Variants in SUGCT observed in about 807,000 individuals in gnomAD.
SUGCT encodes succinyl-CoA:glutarate-CoA transferase.
Under a neutral mutation model 55.0 loss-of-function variants are expected in SUGCT, and 41 were observed. The ratio of observed to expected loss-of-function variants is 0.74; its 90% CI spans 0.58 to 0.97. SUGCT has a LOEUF of 0.97. Ranked by LOEUF, SUGCT falls within the 50% of genes least tolerant of loss-of-function variation. The pLI is 0.00. For missense variants in SUGCT, 568 were observed against 547.8 expected (o/e 1.04, Z -0.37); for synonymous variants, 187 against 200.4 (o/e 0.93, Z 0.56).
At chr7:40,390,473 C>T (rs1785364516) in intron 9 of SUGCT, among the ~76,000 whole-genome samples, 1 of 152,286 alleles carries the variant, frequency 6.6e-6, no homozygotes, top group East Asian at 1.9e-4. Flanking sequence ...AAATCACAGG[C>T]ATTCCTATAC....
chr7:40,237,531 A>G, intron 6 of SUGCT, 104 bp from the exon 7 acceptor site: 1 of 887,394 alleles, frequency 1.1e-6, no homozygotes, highest in South Asian at 1.4e-5. Context: ...TAGTCTCGAA[A>G]TGCTGCAGGA....
At chr7:40,854,419 CCTTTCTT>C (rs1164459210) in intron 13 of SUGCT, among the ~76,000 whole-genome samples, 1 of 88,804 alleles carries the variant, frequency 1.1e-5, no homozygotes, top group Admixed American at 1.2e-4. Flanking sequence ...TTCTTTCTTT[CCTTTCTT>C]TCTTTCTTTC....
chr7:40,508,133 G>T (rs189384285), intron 12 of SUGCT, among the ~76,000 whole-genome samples: 1 of 152,272 alleles, frequency 6.6e-6, no homozygotes, highest in East Asian at 1.9e-4. Flanking sequence ...GACTTCTGGG[G>T]TAAGTTCCAC....
the SUGCT span, among the ~76,000 whole-genome samples, chr7:40,911,303 G>A: frequency 0.88 from 134,665 of 152,254 alleles, 59,843 homozygotes; most frequent in African/African-American, 0.97. Context: ...TGCTGTTTTG[G>A]AAATACTCTT....
chr7:40,424,509 A>G (rs1161808816), intron 9 of SUGCT, among the ~76,000 whole-genome samples: 3 of 152,138 alleles, frequency 2.0e-5, no homozygotes, highest in Middle Eastern at 3.2e-3. Context: ...ATTTGGAGGT[A>G]GGGGTTTGTG....
chr7:40,394,176 T>TA (rs1003055192), intron 9 of SUGCT, among the ~76,000 whole-genome samples: 21 of 151,538 alleles, frequency 1.4e-4, no homozygotes, highest in East Asian at 3.9e-4. Flanking sequence ...TTGTCGAACT[T>TA]AAAAAAAAAT....
chr7:40,680,963 C>T (rs1371837933), intron 12 of SUGCT, among the ~76,000 whole-genome samples: 1 of 152,194 alleles, frequency 6.6e-6, no homozygotes, highest in Non-Finnish European at 1.5e-5. Flanking sequence ...CATGTTTCCA[C>T]TAGCAATGGA....
the SUGCT span, among the ~76,000 whole-genome samples, chr7:40,899,830 G>C: frequency 1.3e-5 from 2 of 152,178 alleles, no homozygotes; most frequent in African/African-American, 4.8e-5. Flanking sequence ...CCAGGAAATT[G>C]AGTCTTTAAC....
At chr7:40,731,227 C>T (rs150324850) in intron 12 of SUGCT, among the ~76,000 whole-genome samples, 106 of 152,294 alleles carry the variant, frequency 7.0e-4, no homozygotes, top group Middle Eastern at 6.8e-3. Context: ...ATCTAATTAT[C>T]TTAACGAGGC....
At chr7:40,921,255 A>T in the SUGCT span, among the ~76,000 whole-genome samples, 1 of 152,116 alleles carries the variant, frequency 6.6e-6, no homozygotes, top group African/African-American at 2.4e-5. Flanking sequence ...ACAAAATAAT[A>T]TATTATTTGG....
intron 12 of SUGCT, among the ~76,000 whole-genome samples, chr7:40,591,445 G>A (rs1797712424): frequency 6.6e-6 from 1 of 152,192 alleles, no homozygotes; most frequent in African/African-American, 2.4e-5. Flanking sequence ...TCTATTCCTG[G>A]TGAAGATCCT....
At chr7:40,713,799 A>C (rs1785860419) in intron 12 of SUGCT, among the ~76,000 whole-genome samples, 1 of 152,136 alleles carries the variant, frequency 6.6e-6, no homozygotes, top group South Asian at 2.1e-4. Context: ...GTTTCTCTCC[A>C]GTCCCTACCC....
chr7:40,912,929 C>T, the SUGCT span, among the ~76,000 whole-genome samples: 1 of 152,096 alleles, frequency 6.6e-6, no homozygotes, highest in Non-Finnish European at 1.5e-5. Flanking sequence ...TGAGAATATA[C>T]CCCTGATCTG....
At chr7:40,659,945 G>A (rs1180311574) in intron 12 of SUGCT, among the ~76,000 whole-genome samples, 1 of 152,134 alleles carries the variant, frequency 6.6e-6, no homozygotes, top group Non-Finnish European at 1.5e-5. Context: ...GAGGAAATGT[G>A]GAGTTATGGT....
intron 8 of SUGCT, among the ~76,000 whole-genome samples, chr7:40,281,561 T>C (rs1161449987): frequency 6.6e-6 from 1 of 152,206 alleles, no homozygotes; most frequent in Non-Finnish European, 1.5e-5. Context: ...TGTTGAATAT[T>C]GCTAAATGCT....
chr7:40,693,097 C>T (rs926316772), intron 12 of SUGCT, among the ~76,000 whole-genome samples: 11 of 152,138 alleles, frequency 7.2e-5, no homozygotes, highest in African/African-American at 2.2e-4. Flanking sequence ...GCCTTATCTC[C>T]GCCCTAGTAG....
At chr7:40,500,238 C>T (rs1316626436) in intron 12 of SUGCT, among the ~76,000 whole-genome samples, 1 of 152,138 alleles carries the variant, frequency 6.6e-6, no homozygotes, top group Admixed American at 6.5e-5. Flanking sequence ...GAAGAGAGGG[C>T]ACAGGGTGTC....
At chr7:40,366,948 A>G (rs1185210078) in intron 9 of SUGCT, among the ~76,000 whole-genome samples, 1 of 152,230 alleles carries the variant, frequency 6.6e-6, no homozygotes, top group African/African-American at 2.4e-5. Context: ...TCATGCTGCT[A>G]TGAAGACACA....
intron 8 of SUGCT, among the ~76,000 whole-genome samples, chr7:40,300,738 T>C (rs1794480072): frequency 6.6e-6 from 1 of 152,334 alleles, no homozygotes; most frequent in East Asian, 1.9e-4. Flanking sequence ...TTAAAAGCCA[T>C]CCAGTTTGTG....
Sources: gnomAD v4.1 joint callset for allele counts (sites outside exome capture counted in the v4.1 genomes callset) on GRCh38, gnomAD v4.1.1 for gene constraint, MANE v1.5 for transcripts, NCBI Gene and HGNC (gene_info 2026-07-23, HGNC 2026-07-21) for gene names.